SS18: variants seen among roughly 807,000 people sequenced by gnomAD.
The protein encoded by SS18 is protein SSXT.
A neutral mutation model predicts 72.5 loss-of-function variants in SS18; 28 were observed. The observed-to-expected ratio is 0.39, with a 90% CI of 0.29 to 0.53. SS18 has a LOEUF of 0.53. Ranked by LOEUF, SS18 falls within the 20% of genes least tolerant of loss-of-function variation. The pLI is 0.76. For missense variants in SS18, 518 were observed against 535.3 expected (o/e 0.97, Z 0.32); for synonymous variants, 172 against 164.2 (o/e 1.05, Z -0.37).
chr18:26,052,015 C>G (rs1299754965), intron 5 of SS18, among the ~76,000 whole-genome samples: 1 of 152,040 alleles, frequency 6.6e-6, no homozygotes, highest in African/African-American at 2.4e-5. Flanking sequence ...GGAAATAAGC[C>G]AAATGTTTTA....
intron 3 of SS18, among the ~76,000 whole-genome samples, chr18:26,060,886 G>A (rs1250811336): frequency 6.6e-6 from 1 of 151,080 alleles, no homozygotes; most frequent in Non-Finnish European, 1.5e-5. Flanking sequence ...CACCTGGGAG[G>A]TGGAGGCTGC....
chr18:26,084,114 A>G (rs1467985079), intron 2 of SS18: 1 of 152,200 alleles, frequency 6.6e-6, no homozygotes, highest in African/African-American at 2.4e-5. Context: ...AAATAAGTAA[A>G]TGTTCAAAAA....
intron 3 of SS18, 55 bp from the exon 4 acceptor site, chr18:26,057,797 C>A: frequency 2.0e-6 from 3 of 1,514,962 alleles, no homozygotes; most frequent in Non-Finnish European, 2.7e-6. Context: ...ACGAAAGATG[C>A]ATAGGGTAAA....
rs1160723073 is a variant in SS18, at chr18:26,060,098, T to A, written c.232-2356A>T. Among the ~76,000 whole-genome samples, 4 of 152,292 alleles carry A rather than the reference T, an allele frequency of 2.6e-5. No homozygotes were observed. The East Asian group carries it at 7.7e-4, about 29-fold the overall frequency. On this transcript the variant is annotated intron_variant, in intron 3 of 10. Coordinates refer to ENST00000415083, the MANE Select transcript of SS18 (RefSeq NM_001007559.3). Reference sequence around the variant, plus strand: ...CATTCACGCAAAATTTCTACACAAATGTTCACAGTGGCATTATTCATAATA... The same window carrying A: ...CATTCACGCAAAATTTCTACACAAAAGTTCACAGTGGCATTATTCATAATA...
At chr18:26,086,921 A>G (rs1200238639) in intron 2 of SS18, among the ~76,000 whole-genome samples, 1 of 152,242 alleles carries the variant, frequency 6.6e-6, no homozygotes, top group Admixed American at 6.5e-5. Flanking sequence ...CCTCCCAAAG[A>G]AAGTTTTCTT....
chr18:26,087,219 T>A (rs529582063), intron 2 of SS18, among the ~76,000 whole-genome samples: 101 of 152,226 alleles, frequency 6.6e-4, no homozygotes, highest in African/African-American at 2.4e-3. Context: ...ACAGGCAAAT[T>A]CACACAGAGA....
At chr18:26,046,792 C>G (rs188973535) in intron 5 of SS18, among the ~76,000 whole-genome samples, 2 of 152,326 alleles carry the variant, frequency 1.3e-5, no homozygotes, top group East Asian at 1.9e-4. Context: ...AACACAACAA[C>G]AAGCTTTGCT....
At chr18:26,042,820 A>G (rs988082541) in intron 5 of SS18, among the ~76,000 whole-genome samples, 38 of 152,102 alleles carry the variant, frequency 2.5e-4, no homozygotes, top group Non-Finnish European at 1.5e-5. Context: ...ATACTTAACT[A>G]TAAGGAAAAC....
intron 5 of SS18, among the ~76,000 whole-genome samples, chr18:26,046,693 G>T (rs1179234574): frequency 4.6e-5 from 7 of 152,032 alleles, no homozygotes; most frequent in Non-Finnish European, 1.0e-4. Flanking sequence ...TTTCTTTGTT[G>T]CACTTTTATC....
intron 2 of SS18, among the ~76,000 whole-genome samples, chr18:26,087,137 A>T (rs1029643084): frequency 2.0e-5 from 3 of 152,210 alleles, no homozygotes; most frequent in African/African-American, 7.2e-5. Context: ...CCTCGGAAGT[A>T]TTACACTAAG....
At chr18:26,020,227 CA>C (rs1184170748) in intron 10 of SS18, among the ~76,000 whole-genome samples, 1 of 152,144 alleles carries the variant, frequency 6.6e-6, no homozygotes, top group African/African-American at 2.4e-5. Flanking sequence ...TCGGTTTCTT[CA>C]ATCATCAGTG....
intron 5 of SS18, among the ~76,000 whole-genome samples, chr18:26,045,760 G>GA (rs923068111): frequency 2.0e-5 from 3 of 151,820 alleles, no homozygotes; most frequent in Admixed American, 6.6e-5. Context: ...AATCAGTAGG[G>GA]AAAAAAATCA....
chr18:26,035,822 T>G lies in SS18; in HGVS notation c.973+9A>C. 6.3e-7 allele frequency: 1 copy of G among 1,579,358 alleles called. No homozygotes were observed. Among genetic ancestry groups the G allele is most frequent in the African/African-American group, 1.3e-5 (1 of 74,586 alleles). ...ATATATGTGTATGTGTGTGAAGGTA[T>G]ATAGATACCTCCTTCGTAGTAATGT... On this transcript the variant is annotated intron_variant, in intron 8 of 10. Coordinates refer to ENST00000415083, the MANE Select transcript of SS18 (RefSeq NM_001007559.3). The surrounding 1 kb of genome is among the most constrained non-coding windows in gnomAD (Gnocchi z 4.4).
At position 26,035,600 on chromosome 18, in the gene SS18, C is replaced by T. The variant is rs552703054; in HGVS notation, c.973+231G>A. The T allele has an allele frequency of 9.4e-5, 35 of 370,670 alleles. No individual in the cohort carries two copies. The highest frequency in any genetic ancestry group is 7.1e-4 in the African/African-American group (34 of 47,988). 23.0% of individuals were successfully genotyped at this position (370,670 alleles called of 1,614,324 possible). On this transcript the variant is annotated intron_variant, in intron 8 of 10. Coordinates refer to ENST00000415083, the MANE Select transcript of SS18 (RefSeq NM_001007559.3). This position sits in a 1 kb window ranked among gnomAD's most constrained non-coding sequence, Gnocchi z 4.4. ...AAATTTCCACTGAGGAAAAAATTAT[C>T]TTTAATGTTTTAGTCTTTTTATTAT... is the stretch of plus-strand genomic sequence containing the variant.
chr18:26,084,232 A>G (rs1598615812), intron 2 of SS18: 1 of 152,238 alleles, frequency 6.6e-6, no homozygotes, highest in Non-Finnish European at 1.5e-5. Flanking sequence ...TAGAGAATAC[A>G]GTAATAATGT....
intron 3 of SS18, among the ~76,000 whole-genome samples, chr18:26,064,107 A>T (rs57412627): frequency 0.05 from 7,669 of 152,230 alleles, 392 homozygotes; most frequent in East Asian, 0.15. Context: ...CTGACACAGG[A>T]AATAGAAAAC....
chr18:26,041,415 ACT>A (rs1168292274), intron 5 of SS18, among the ~76,000 whole-genome samples: 2 of 152,102 alleles, frequency 1.3e-5, no homozygotes, highest in African/African-American at 4.8e-5. Context: ...CAAGTGTGAA[ACT>A]CTGCCTCAAA....
chr18:26,034,120 A>C (rs1340916860), intron 9 of SS18, among the ~76,000 whole-genome samples: 1 of 152,198 alleles, frequency 6.6e-6, no homozygotes, highest in African/African-American at 2.4e-5. Context: ...GAGTTTCAAC[A>C]CGTATGCTGA....
At position 26,078,257 on chromosome 18, in the gene SS18, A is replaced by G. The variant is rs1598607831; in HGVS notation, c.147-97T>C. On this transcript the variant is annotated intron_variant, in intron 2 of 10. Transcript: ENST00000415083. ...ATAATCATTTCTAAAGTTTCATTAA[A>G]AATTTGTTACCCGAACATCAATAGC... 1.6e-5 allele frequency: 14 copies of G among 849,214 alleles called. No homozygotes were observed. The East Asian group carries it at 3.8e-4, about 23-fold the overall frequency. The allele number at this position is 849,214 out of a possible 1,614,324, so 52.6% of individuals were successfully genotyped here.
Sources: gnomAD v4.1 joint callset for allele counts (sites outside exome capture counted in the v4.1 genomes callset) on GRCh38, gnomAD v4.1.1 for gene constraint, Gnocchi (gnomAD v3.1) non-coding constraint, MANE v1.5 for transcripts, NCBI Gene and HGNC (gene_info 2026-07-23, HGNC 2026-07-21) for gene names.